MAP4K3: variants seen among roughly 807,000 people sequenced by gnomAD.
The protein encoded by MAP4K3 is mitogen-activated protein kinase kinase kinase kinase 3, also known as MAPK/ERK kinase kinase kinase 3.
MAP4K3 carries 94 observed loss-of-function variants against 143.5 expected under a neutral mutation model. The observed-to-expected ratio is 0.65, with a 90% CI of 0.55 to 0.78. The LOEUF is 0.78. Among genes scored for constraint, MAP4K3 ranks in the 30% least tolerant of loss-of-function variants. MAP4K3 has a pLI of 0.00. For missense variants in MAP4K3, 1,077 were observed against 1,068.1 expected, an observed-to-expected ratio of 1.01 and a Z score of -0.12; for synonymous variants, 416 against 347.2, an observed-to-expected ratio of 1.20 and a Z score of -2.20.
intron 2 of MAP4K3, among the ~76,000 whole-genome samples, chr2:39,375,229 A>T (rs182345425): frequency 5.3e-5 from 8 of 152,254 alleles, no homozygotes; most frequent in African/African-American, 1.9e-4. Context: ...ACTGCACTCC[A>T]GCCTGGGCTA....
Position 39,325,657 on chromosome 2 carries a change from C to T in MAP4K3, c.808-29G>A, listed in dbSNP as rs1353179757. ...TAAAAATTAAATACAATGCAGAACA[C>T]TTACTATAAATCTGATTGAATAACA... On this transcript the variant is annotated intron_variant, in intron 11 of 33. Coordinates refer to ENST00000263881, the MANE Select transcript of MAP4K3 (RefSeq NM_003618.4). 1.9e-6 allele frequency: 3 copies of T among 1,576,540 alleles called. No homozygotes were observed. In the East Asian group the frequency reaches 6.7e-5, roughly 35 times the overall value.
At chr2:39,408,529 C>T (rs1001053826) in intron 1 of MAP4K3, among the ~76,000 whole-genome samples, 4 of 151,818 alleles carry the variant, frequency 2.6e-5, no homozygotes, top group African/African-American at 9.7e-5. Flanking sequence ...AGCCATCAAG[C>T]CTGAAACAAA....
chr2:39,339,379 G>A (rs535480444), intron 4 of MAP4K3, among the ~76,000 whole-genome samples: 3 of 152,132 alleles, frequency 2.0e-5, no homozygotes, highest in South Asian at 4.1e-4. Flanking sequence ...ACTTGGAAGT[G>A]AAAGACAATT....
intron 18 of MAP4K3, among the ~76,000 whole-genome samples, chr2:39,291,957 G>GT (rs988666970): frequency 3.3e-5 from 5 of 151,632 alleles, no homozygotes; most frequent in African/African-American, 1.2e-4. Flanking sequence ...GAAAGTTTAT[G>GT]TAACTTTACC....
chr2:39,386,181 T>C (rs1165625626), intron 1 of MAP4K3, among the ~76,000 whole-genome samples: 1 of 152,116 alleles, frequency 6.6e-6, no homozygotes, highest in African/African-American at 2.4e-5. Flanking sequence ...ACCAGAGATA[T>C]ACATGCACAG....
intron 2 of MAP4K3, among the ~76,000 whole-genome samples, chr2:39,373,066 T>C (rs1411290170): frequency 1.3e-5 from 2 of 152,128 alleles, no homozygotes; most frequent in Non-Finnish European, 2.9e-5. Context: ...AACCAGATTA[T>C]ATAAGGAGCT....
At chr2:39,331,843 C>A in intron 8 of MAP4K3, 74 bp downstream of exon 8, 1 of 965,730 alleles carries the variant, frequency 1.0e-6, no homozygotes, top group South Asian at 2.1e-5. Flanking sequence ...AAATTCTGAC[C>A]AGTCTATTTT....
Position 39,282,436 on chromosome 2 carries a change from A to G in MAP4K3, c.1629+77T>C, listed in dbSNP as rs1429462877. The G allele has an allele frequency of 5.9e-6, 7 of 1,196,336 alleles. No homozygotes were observed. In the Admixed American group the frequency reaches 6.2e-5, roughly 11 times the overall value. The allele number at this position is 1,196,336 out of a possible 1,614,324, so 74.1% of individuals were successfully genotyped here. A position where few individuals can be genotyped will look rare whatever the true frequency, so the allele number is the denominator to read the frequency against. On this transcript the variant is annotated intron_variant, in intron 22 of 33. Coordinates refer to ENST00000263881, the MANE Select transcript of MAP4K3 (RefSeq NM_003618.4). ...TAATAATGAAAGTTCTTTCAAACAG[A>G]CAAAAAAACCTAAGCAAAGATAACA...
At chr2:39,395,959 G>T (rs1461573788) in intron 1 of MAP4K3, among the ~76,000 whole-genome samples, 1 of 152,188 alleles carries the variant, frequency 6.6e-6, no homozygotes, top group Non-Finnish European at 1.5e-5. Flanking sequence ...TATTCATTAT[G>T]TAGAATATAT....
intron 1 of MAP4K3, among the ~76,000 whole-genome samples, chr2:39,402,885 T>C (rs1343887451): frequency 1.1e-4 from 17 of 151,988 alleles, no homozygotes; most frequent in East Asian, 3.8e-4. Flanking sequence ...CTACAGATTG[T>C]ACACATATTA....
rs1372254836 is a variant in MAP4K3 at position 39,267,202 on chromosome 2, C to T, written c.2019G>A (p.Gln673=). 2 of 1,614,080 alleles carry T rather than the reference C, an allele frequency of 1.2e-6. No individual in the cohort carries two copies. Among genetic ancestry groups the T allele is most frequent in the Admixed American group, 3.3e-5 (2 of 60,018 alleles). The part of the protein sequence containing the change: ...SAKIPETKWC[Q]KCCVVRNPYT... ...CAGTTTACTTACCAACACAACACTT[C>T]TGGCACCATTTGGTTTCAGGGATTT... Residue 673 remains glutamine (Q), a synonymous_variant, in exon 27 of 34, where the codon CAG becomes CAA. Transcript: ENST00000263881.
intron 21 of MAP4K3, among the ~76,000 whole-genome samples, chr2:39,286,343 C>A (rs1019122799): frequency 3.3e-5 from 5 of 152,206 alleles, no homozygotes; most frequent in African/African-American, 1.2e-4. Flanking sequence ...TCACCTCCTG[C>A]TGTGTGGCCT....
At chr2:39,357,966 C>T (rs1438387262) in intron 2 of MAP4K3, among the ~76,000 whole-genome samples, 2 of 152,066 alleles carry the variant, frequency 1.3e-5, no homozygotes, top group African/African-American at 2.4e-5. Flanking sequence ...GGGGGTAGCC[C>T]TGAGAGTTAT....
chr2:39,366,826 A>G (rs1294557564), intron 2 of MAP4K3, among the ~76,000 whole-genome samples: 3 of 152,228 alleles, frequency 2.0e-5, no homozygotes. Context: ...CTTTAAAAAG[A>G]TAAGAAATTG....
chr2:39,347,319 T>C (rs1665320844), intron 3 of MAP4K3, among the ~76,000 whole-genome samples: 1 of 152,230 alleles, frequency 6.6e-6, no homozygotes, highest in Admixed American at 6.5e-5. Flanking sequence ...AAAGGGGTTC[T>C]ATTACCAAAA....
chr2:39,370,097 G>C (rs1666039475), intron 2 of MAP4K3, among the ~76,000 whole-genome samples: 1 of 152,210 alleles, frequency 6.6e-6, no homozygotes, highest in South Asian at 2.1e-4. Flanking sequence ...GTCATAAACA[G>C]AGGACTGAGA....
At chr2:39,435,384 C>T (rs1411838657) in intron 1 of MAP4K3, among the ~76,000 whole-genome samples, 1 of 152,232 alleles carries the variant, frequency 6.6e-6, no homozygotes, top group Non-Finnish European at 1.5e-5. Context: ...CACCCTCCCG[C>T]TCTGGCTGCT....
rs1281214100 is a variant in MAP4K3 at position 39,322,239 on chromosome 2, C to T, written c.918+3279G>A. On this transcript the variant is annotated intron_variant, in intron 12 of 33. Transcript: ENST00000263881. ...TTTGATCTAATATACAGTAGCAAAA[C>T]CAAACAAAAACAGGTAACATGCAGG... is the stretch of plus-strand genomic sequence containing the variant. 2.0e-5 allele frequency among the ~76,000 whole-genome samples: 3 copies of T among 152,006 alleles called. No homozygotes were observed. The East Asian group carries it at 5.8e-4, about 29-fold the overall frequency.
chr2:39,280,584 A>G (rs2148465162), intron 22 of MAP4K3, among the ~76,000 whole-genome samples: 1 of 151,304 alleles, frequency 6.6e-6, no homozygotes, highest in East Asian at 1.9e-4. Context: ...AAAAAAGAGA[A>G]AAAAAAAAGG....
Sources: gnomAD v4.1 joint callset for allele counts (sites outside exome capture counted in the v4.1 genomes callset) on GRCh38, gnomAD v4.1.1 for gene constraint, MANE v1.5 for transcripts, NCBI Gene and HGNC (gene_info 2026-07-23, HGNC 2026-07-21) for gene names.